The following SRPK2 variants were observed in gnomAD, a reference collection of about 807,000 sequenced individuals.
SRPK2 encodes the protein SFRS protein kinase 2.
In SRPK2, 21 loss-of-function variants were observed where a neutral mutation model predicts 90.8. That is an observed-to-expected ratio of 0.23 (90% CI 0.16 to 0.33). The LOEUF is 0.33. Among genes scored for constraint, SRPK2 ranks in the 10% least tolerant of loss-of-function variants. SRPK2 has a pLI of 1.00. For synonymous variants in SRPK2, 288 were observed against 311.1 expected (o/e 0.93, Z 0.78); for missense variants, 620 against 869.0 (o/e 0.71, Z 3.60).
At chr7:105,259,567 T>C (rs572421454) in intron 2 of SRPK2, among the ~76,000 whole-genome samples, 4 of 152,264 alleles carry the variant, frequency 2.6e-5, no homozygotes, top group African/African-American at 7.2e-5. Flanking sequence ...AAAAAGAGCC[T>C]GCATTGCCAA....
At chr7:105,360,985 C>A (rs1818360299) in intron 2 of SRPK2, among the ~76,000 whole-genome samples, 1 of 152,102 alleles carries the variant, frequency 6.6e-6, no homozygotes, top group Admixed American at 6.6e-5. Flanking sequence ...CCAGGGCAAT[C>A]AGGCAAGAGA....
intron 2 of SRPK2, among the ~76,000 whole-genome samples, chr7:105,285,901 G>T (rs188822375): frequency 4.6e-4 from 70 of 152,246 alleles, no homozygotes; most frequent in African/African-American, 1.7e-3. Context: ...AGCAATGCAA[G>T]AACTGCCTAA....
At chr7:105,390,632 T>C (rs1236861235), upstream of SRPK2, among the ~76,000 whole-genome samples, 2 of 149,314 alleles carry the variant, frequency 1.3e-5, no homozygotes, top group African/African-American at 4.9e-5. Flanking sequence ...TTTTTTTTTT[T>C]AGTAGAGACA....
At chr7:105,369,634 T>C (rs947621378) in intron 2 of SRPK2, among the ~76,000 whole-genome samples, 1 of 152,156 alleles carries the variant, frequency 6.6e-6, no homozygotes, top group African/African-American at 2.4e-5. Flanking sequence ...TTCAGTAACA[T>C]CTTATTTTAG....
chr7:105,383,820 T>A (rs1397848736), intron 2 of SRPK2, among the ~76,000 whole-genome samples: 1 of 152,166 alleles, frequency 6.6e-6, no homozygotes, highest in East Asian at 1.9e-4. Context: ...ATACGTGCCA[T>A]AACATGGATG....
At chr7:105,384,142 AT>A (rs528773328) in intron 2 of SRPK2, among the ~76,000 whole-genome samples, 32 of 152,240 alleles carry the variant, frequency 2.1e-4, no homozygotes, top group South Asian at 1.2e-3. Flanking sequence ...TATGAAAAAA[AT>A]AAATGAAAGA....
chr7:105,269,486 C>T (rs1805537800), intron 2 of SRPK2, among the ~76,000 whole-genome samples: 1 of 152,116 alleles, frequency 6.6e-6, no homozygotes. Context: ...TGATTTTATA[C>T]CTTAATTTTC....
chr7:105,224,865 T>C (rs1204974559), intron 2 of SRPK2, among the ~76,000 whole-genome samples: 1 of 152,332 alleles, frequency 6.6e-6, no homozygotes, highest in South Asian at 2.1e-4. Flanking sequence ...CAAAATGAAT[T>C]TGTTTGCTGA....
intron 2 of SRPK2, among the ~76,000 whole-genome samples, chr7:105,205,254 A>T (rs2129610673): frequency 6.6e-6 from 1 of 152,312 alleles, no homozygotes. Flanking sequence ...TGACATCATG[A>T]GGAAGGGGTG....
intron 11 of SRPK2, among the ~76,000 whole-genome samples, chr7:105,138,268 GCA>G (rs1326572908): frequency 6.6e-6 from 1 of 152,154 alleles, no homozygotes; most frequent in African/African-American, 2.4e-5. Context: ...AAAACACACT[GCA>G]CTCTCCAAGA....
chr7:105,268,911 C>A, intron 2 of SRPK2: 1 of 1,562,224 alleles, frequency 6.4e-7, no homozygotes, highest in Non-Finnish European at 8.7e-7. Context: ...ATTGCCTGCC[C>A]TTGCTTTCAA....
At chr7:105,159,466 A>AAAAAAAAAAAAC (rs1316365933) in intron 7 of SRPK2, among the ~76,000 whole-genome samples, 22 of 114,314 alleles carry the variant, frequency 1.9e-4, no homozygotes, top group Middle Eastern at 5.4e-3. Flanking sequence ...AAAAAAAAAA[A>AAAAAAAAAAAAC]AAAAAAACCG....
At chr7:105,242,357 CAA>C (rs774174331) in intron 2 of SRPK2, among the ~76,000 whole-genome samples, 10 of 152,008 alleles carry the variant, frequency 6.6e-5, no homozygotes, top group African/African-American at 1.2e-4. Flanking sequence ...ACTAAAAATT[CAA>C]AAGTTATCCG....
upstream of SRPK2, among the ~76,000 whole-genome samples, chr7:105,394,328 A>G (rs1258568048): frequency 6.6e-6 from 1 of 151,952 alleles, no homozygotes; most frequent in Non-Finnish European, 1.5e-5. Flanking sequence ...TTTTTAGTGG[A>G]GATGGGGTTT....
At chr7:105,213,982 G>A (rs906361172) in intron 2 of SRPK2, among the ~76,000 whole-genome samples, 26 of 152,156 alleles carry the variant, frequency 1.7e-4, no homozygotes, top group African/African-American at 4.8e-5. Flanking sequence ...AAGTAATTTA[G>A]AACACAGGAA....
In SRPK2 at chr7:105,170,927, A is replaced by AG. The variant is rs1585038742; in HGVS notation, c.230-1663dup. Among the ~76,000 whole-genome samples, 102 of 91,376 alleles carry AG rather than the reference A, an allele frequency of 1.1e-3. 2 individuals carry two copies. The highest frequency in any genetic ancestry group is 5.8e-3 in the Middle Eastern group (1 of 172). 59.9% of individuals were successfully genotyped at this position (91,376 alleles called of 152,430 possible). A position where few individuals can be genotyped will look rare whatever the true frequency, so the allele number is the denominator to read the frequency against. On this transcript the variant is annotated intron_variant, in intron 3 of 15. Coordinates refer to ENST00000393651, the MANE Select transcript of SRPK2 (RefSeq NM_182692.3). ...AGAAAGAAAGAAAGGAGAAAGAAAA[A>AG]GAAAAAGGAAAGAAAGAAAGAAAGA... is the stretch of plus-strand genomic sequence containing the variant.
intron 2 of SRPK2, among the ~76,000 whole-genome samples, chr7:105,311,192 C>CA (rs1407001569): frequency 1.5e-4 from 22 of 151,722 alleles, no homozygotes; most frequent in Middle Eastern, 3.4e-3. Context: ...AACCCACCAA[C>CA]AAAAAAATAA....
chr7:105,262,223 A>G (rs1297766907), intron 2 of SRPK2, among the ~76,000 whole-genome samples: 1 of 152,244 alleles, frequency 6.6e-6, no homozygotes, highest in Non-Finnish European at 1.5e-5. Context: ...TGGCCAACAG[A>G]AAACCTGATC....
intron 2 of SRPK2, among the ~76,000 whole-genome samples, chr7:105,269,936 C>T (rs758084790): frequency 6.6e-6 from 1 of 152,094 alleles, no homozygotes; most frequent in East Asian, 1.9e-4. Flanking sequence ...CAATAAAATG[C>T]TATCAACAGT....
Sources: gnomAD v4.1 joint callset for allele counts (sites outside exome capture counted in the v4.1 genomes callset) on GRCh38, gnomAD v4.1.1 for gene constraint, MANE v1.5 for transcripts, NCBI Gene and HGNC (gene_info 2026-07-23, HGNC 2026-07-21) for gene names.